ZNF236: variants seen among roughly 807,000 people sequenced by gnomAD.
The protein encoded by ZNF236 is regulated by glucose.
Under a neutral mutation model 191.2 loss-of-function variants are expected in ZNF236, and 50 were observed. That is an observed-to-expected ratio of 0.26 (90% CI 0.21 to 0.33). The LOEUF (loss-of-function observed/expected upper bound fraction) is 0.33. Ranked by LOEUF, ZNF236 falls within the 10% of genes least tolerant of loss-of-function variation. The pLI, the probability that ZNF236 is intolerant of heterozygous loss-of-function variation, is 1.00. For missense variants in ZNF236, 1,754 were observed against 2,374.5 expected, an observed-to-expected ratio of 0.74 and a Z score of 5.43; for synonymous variants, 907 against 928.8, an observed-to-expected ratio of 0.98 and a Z score of 0.43.
chr18:76,913,976 A>G, intron 18 of ZNF236, 78 bp downstream of exon 18: 1 of 1,479,990 alleles, frequency 6.8e-7, no homozygotes, highest in Non-Finnish European at 9.3e-7. Context: ...TATACCATTC[A>G]GTTCACCCAC....
chr18:76,860,599 G>C (rs1976188757), intron 3 of ZNF236, among the ~76,000 whole-genome samples: 1 of 152,038 alleles, frequency 6.6e-6, no homozygotes, highest in Admixed American at 6.5e-5. Flanking sequence ...GTGTGGTTTT[G>C]TTATGCCGTG....
At chr18:76,952,196 A>G (rs997857292) in intron 27 of ZNF236, among the ~76,000 whole-genome samples, 1 of 151,918 alleles carries the variant, frequency 6.6e-6, no homozygotes, top group Non-Finnish European at 1.5e-5. Flanking sequence ...CAAACTTTCA[A>G]TTTGTAAAAA....
At chr18:76,909,131 A>G (rs1018882226) in intron 14 of ZNF236, among the ~76,000 whole-genome samples, 2 of 151,990 alleles carry the variant, frequency 1.3e-5, no homozygotes, top group Non-Finnish European at 2.9e-5. Flanking sequence ...CAGCCTGGCT[A>G]TGGTGAAACC....
intron 18 of ZNF236, 49 bp downstream of exon 18, chr18:76,913,947 T>G: frequency 1.3e-6 from 2 of 1,599,592 alleles, no homozygotes; most frequent in Non-Finnish European, 1.7e-6. Context: ...AGAAAAAAGC[T>G]TTATTGAGAT....
At chr18:76,881,639 T>A in intron 9 of ZNF236, 127 bp downstream of exon 9, 1 of 803,676 alleles carries the variant, frequency 1.2e-6, no homozygotes. Flanking sequence ...TAGCTAGCTG[T>A]AGTTGGTTGG....
chr18:76,837,007 C>A (rs1418421794), intron 1 of ZNF236, among the ~76,000 whole-genome samples: 1 of 151,886 alleles, frequency 6.6e-6, no homozygotes, highest in Non-Finnish European at 1.5e-5. Context: ...TCTGGAGTAG[C>A]TGGGATTGCA....
chr18:76,892,674 T>G (rs1312795266), intron 9 of ZNF236, among the ~76,000 whole-genome samples: 1 of 152,194 alleles, frequency 6.6e-6, no homozygotes, highest in East Asian at 1.9e-4. Flanking sequence ...TTCAAGTGAT[T>G]CTCCTGCCTC....
intron 1 of ZNF236, among the ~76,000 whole-genome samples, chr18:76,846,061 C>T (rs1473469104): frequency 6.6e-6 from 1 of 152,112 alleles, no homozygotes; most frequent in Non-Finnish European, 1.5e-5. Context: ...TCTCCTGCAG[C>T]CTAGCTGGGG....
rs1490487622 is a variant in ZNF236 at position 76,968,309 on chromosome 18, C to T, written c.5514C>T (p.Gly1838=). 40 of 1,608,508 alleles carry T rather than the reference C, an allele frequency of 2.5e-5. No individual in the cohort carries two copies. Among genetic ancestry groups the T allele is most frequent in the African/African-American group, 4.0e-5 (3 of 74,484 alleles). The change falls in exon 31 of 31, where the codon GGC becomes GGT. Residue 1838 remains glycine (G), a synonymous_variant. Transcript: ENST00000320610. The stretch of plus-strand genomic sequence containing the variant: ...AGGAGGTGGTGCAGGAGGCCGCCGG[C>T]GAGTGGCAGGCCCTCACCCACGTCT... ...HLEEVVQEAA[G]EWQALTHVF
intron 12 of ZNF236, 112 bp downstream of exon 12, chr18:76,904,633 T>C: frequency 1.1e-6 from 1 of 934,440 alleles, no homozygotes; most frequent in Non-Finnish European, 1.5e-6. Context: ...ATTAAAGATG[T>C]CACATTTGAC....
intron 15 of ZNF236, 57 bp from the exon 16 acceptor site, chr18:76,910,603 A>C (rs1427138970): frequency 6.5e-7 from 1 of 1,536,334 alleles, no homozygotes; most frequent in East Asian, 2.3e-5. Flanking sequence ...TTTTCTTAGA[A>C]CATTTTAATG....
intron 14 of ZNF236, among the ~76,000 whole-genome samples, chr18:76,909,352 A>G (rs114360427): frequency 6.6e-6 from 1 of 150,620 alleles, no homozygotes; most frequent in Non-Finnish European, 1.5e-5. Flanking sequence ...TACAAATAGG[A>G]CCTTGCAGTG....
At chr18:76,864,038 A>G (rs1307002564) in intron 3 of ZNF236, among the ~76,000 whole-genome samples, 1 of 152,164 alleles carries the variant, frequency 6.6e-6, no homozygotes, top group African/African-American at 2.4e-5. Context: ...AATAGAATGA[A>G]AAGACTGACT....
chr18:76,908,069 T>C (rs1487531091), intron 13 of ZNF236, among the ~76,000 whole-genome samples: 1 of 152,212 alleles, frequency 6.6e-6, no homozygotes, highest in East Asian at 1.9e-4. Context: ...CATTCGGGTG[T>C]GTGTTGTCCT....
intron 1 of ZNF236, among the ~76,000 whole-genome samples, chr18:76,837,240 T>TTCC (rs1317046524): frequency 1.3e-5 from 2 of 151,636 alleles, no homozygotes; most frequent in African/African-American, 4.8e-5. Flanking sequence ...TTGTGTTTGT[T>TTCC]TCCTCCTGGT....
Position 76,875,376 on chromosome 18 carries a change from G to C in ZNF236, c.668-116G>C. 2.0e-6 allele frequency: 2 copies of C among 996,148 alleles called. 1 individual carries two copies. Among genetic ancestry groups the C allele is most frequent in the South Asian group, 5.5e-5 (2 of 36,094 alleles). The allele number at this position is 996,148 out of a possible 1,614,324, so 61.7% of individuals were successfully genotyped here. ...CTTGTATATATGCATCTAGAGTTCT[G>C]GGGAGACATTTTGGCTGGAGGGATA... is the stretch of plus-strand genomic sequence containing the variant. On this transcript the variant is annotated intron_variant, in intron 5 of 30. Coordinates refer to ENST00000320610, the MANE Select transcript of ZNF236 (RefSeq NM_001306089.2). This position sits in a 1 kb window ranked among gnomAD's most constrained non-coding sequence, Gnocchi z 4.3.
At chr18:76,894,912 C>A in intron 9 of ZNF236, 101 bp from the exon 10 acceptor site, 1 of 1,478,886 alleles carries the variant, frequency 6.8e-7, no homozygotes, top group Non-Finnish European at 9.1e-7. Context: ...TTTCCCATAA[C>A]TGATCATGCG....
chr18:76,899,071 C>T lies in ZNF236; in HGVS notation c.1743C>T (p.Gly581=). ...PHCDKKFRTS[G]HRKTHIASHF... Reference sequence around the variant, plus strand: ...GTGACAAAAAATTTCGAACCTCAGGCCATAGGAAGACTCACATTGCTTCCC... The same window carrying T: ...GTGACAAAAAATTTCGAACCTCAGGTCATAGGAAGACTCACATTGCTTCCC... The change falls in exon 11 of 31, where the codon GGC becomes GGT. Residue 581 remains glycine (G), a synonymous_variant. Coordinates refer to ENST00000320610, the MANE Select transcript of ZNF236 (RefSeq NM_001306089.2). 9 of 1,614,130 alleles carry T rather than the reference C, an allele frequency of 5.6e-6. No homozygotes were observed. Among genetic ancestry groups the T allele is most frequent in the Non-Finnish European group, 7.6e-6 (9 of 1,180,014 alleles).
chr18:76,835,390 T>C (rs1250293090), intron 1 of ZNF236, among the ~76,000 whole-genome samples: 1 of 152,230 alleles, frequency 6.6e-6, no homozygotes, highest in African/African-American at 2.4e-5. Flanking sequence ...TTCTGTCAGT[T>C]ACTCAGAAAA....
Sources: allele counts gnomAD v4.1 joint callset (sites outside exome capture counted in the v4.1 genomes callset), GRCh38; gene constraint gnomAD v4.1.1; non-coding constraint Gnocchi (gnomAD v3.1); transcripts MANE v1.5; gene names NCBI Gene and HGNC (gene_info 2026-07-23, HGNC 2026-07-21).